GPR158: variants seen among roughly 807,000 people sequenced by gnomAD.
The protein encoded by GPR158 is metabotropic glycine receptor.
A neutral mutation model predicts 78.2 loss-of-function variants in GPR158; 30 were observed. The observed-to-expected ratio is 0.38, with a 90% CI of 0.29 to 0.52. GPR158 has a LOEUF of 0.52. Among genes scored for constraint, GPR158 ranks in the 20% least tolerant of loss-of-function variants. GPR158 has a pLI of 0.83. For synonymous variants in GPR158, 581 were observed against 591.1 expected (o/e 0.98, Z 0.25); for missense variants, 1,463 against 1,523.5 (o/e 0.96, Z 0.66).
rs1297325298 is a variant in GPR158, at chr10:25,507,254, T to C, written c.1404+40535T>C. On this transcript the variant is annotated intron_variant, in intron 5 of 10. Transcript: ENST00000376351. ...AAGAAGTGGAATGGCAGTCTAATCA[T>C]TTATTGCCTGCATGGAAAGAGAAGA... 2.6e-5 allele frequency among the ~76,000 whole-genome samples: 4 copies of C among 152,214 alleles called. No individual in the cohort carries two copies. The East Asian group carries it at 7.7e-4, about 29-fold the overall frequency.
chr10:25,198,837 A>C (rs1271702991), intron 1 of GPR158, among the ~76,000 whole-genome samples: 3 of 152,038 alleles, frequency 2.0e-5, no homozygotes, highest in Non-Finnish European at 2.9e-5. Flanking sequence ...TATTAATATA[A>C]CTAACAACTT....
At chr10:25,594,710 CCTATT>C (rs150960936) in intron 9 of GPR158, among the ~76,000 whole-genome samples, 10,291 of 152,080 alleles carry the variant, frequency 0.068, 446 homozygotes, top group South Asian at 0.19. Flanking sequence ...AAAGAACTCT[CCTATT>C]CTAAGAATCC....
Position 25,593,789 on chromosome 10 carries a change from TCATTAAATTGTTTTATC to T in GPR158, c.1893-486_1893-470del, listed in dbSNP as rs535211580. ...ACATTTTATAAACCATTAGTATGTTTCATTAAATTGTTTTATCCATTAAATTGTTTTATTTCAATGCT... is the reference window on the plus strand; with the variant it reads ...ACATTTTATAAACCATTAGTATGTTTCATTAAATTGTTTTATTTCAATGCT... On this transcript the variant is annotated intron_variant, in intron 8 of 10. Transcript: ENST00000376351. Among the ~76,000 whole-genome samples the T allele has an allele frequency of 5.6e-3, 857 of 152,258 alleles. 8 individuals carry two copies. Among genetic ancestry groups the T allele is most frequent in the African/African-American group, 0.02 (814 of 41,592 alleles).
intron 5 of GPR158, among the ~76,000 whole-genome samples, chr10:25,499,994 T>C (rs187719617): frequency 1.4e-3 from 218 of 152,356 alleles, no homozygotes; most frequent in African/African-American, 5.2e-3. Flanking sequence ...AACAGGTTGA[T>C]TGCCTTCACT....
chr10:25,385,381 G>C (rs561320158), intron 2 of GPR158, among the ~76,000 whole-genome samples: 2 of 152,094 alleles, frequency 1.3e-5, no homozygotes, highest in South Asian at 4.1e-4. Flanking sequence ...ATGGGTATTT[G>C]GGTTACTTAC....
intron 2 of GPR158, among the ~76,000 whole-genome samples, chr10:25,334,840 T>A (rs1855175416): frequency 6.6e-6 from 1 of 151,894 alleles, no homozygotes; most frequent in Non-Finnish European, 1.5e-5. Flanking sequence ...CTTTAGTCTA[T>A]TTGATATTTC....
At chr10:25,314,069 G>A (rs1854809313) in intron 2 of GPR158, among the ~76,000 whole-genome samples, 1 of 151,842 alleles carries the variant, frequency 6.6e-6, no homozygotes, top group South Asian at 2.1e-4. Context: ...TATTTGTCTT[G>A]GAAATTATTT....
At chr10:25,356,358 A>G (rs1263701631) in intron 2 of GPR158, among the ~76,000 whole-genome samples, 1 of 151,950 alleles carries the variant, frequency 6.6e-6, no homozygotes, top group Admixed American at 6.6e-5. Context: ...GCTTGTTTCT[A>G]CACTGCCATT....
rs1263517974 is a variant in GPR158 at position 25,349,693 on chromosome 10, A to G, written c.1009-46218A>G. ...TGTACAGCCTGTGGAACTACGAGTC[A>G]GTTAAACCTCCTTTCTTCATATATT... On this transcript the variant is annotated intron_variant, in intron 2 of 10. Coordinates refer to ENST00000376351, the MANE Select transcript of GPR158 (RefSeq NM_020752.3). Among the ~76,000 whole-genome samples the G allele has an allele frequency of 3.4e-5, 5 of 146,876 alleles. 1 individual carries two copies. Among genetic ancestry groups the G allele is most frequent in the African/African-American group, 1.4e-4 (5 of 36,676 alleles).
intron 3 of GPR158, among the ~76,000 whole-genome samples, chr10:25,404,710 C>G (rs1197574872): frequency 6.6e-6 from 1 of 152,010 alleles, no homozygotes; most frequent in Non-Finnish European, 1.5e-5. Context: ...AAACCATTGT[C>G]CTATTCTTAG....
intron 2 of GPR158, among the ~76,000 whole-genome samples, chr10:25,346,423 A>G (rs1855372323): frequency 6.6e-6 from 1 of 151,936 alleles, no homozygotes; most frequent in Non-Finnish European, 1.5e-5. Flanking sequence ...TTATAAACAA[A>G]CATTTTTCTC....
chr10:25,377,078 T>G (rs1306246132), intron 2 of GPR158, among the ~76,000 whole-genome samples: 1 of 151,814 alleles, frequency 6.6e-6, no homozygotes, highest in East Asian at 1.9e-4. Flanking sequence ...TTAATGTATC[T>G]TTGAGCATTT....
intron 5 of GPR158, among the ~76,000 whole-genome samples, chr10:25,470,931 T>C (rs897570083): frequency 6.6e-6 from 1 of 151,770 alleles, no homozygotes; most frequent in Non-Finnish European, 1.5e-5. Context: ...ATGTCAAATC[T>C]AGGCTGTCAC....
intron 4 of GPR158, among the ~76,000 whole-genome samples, chr10:25,447,310 A>G (rs527993685): frequency 2.0e-4 from 31 of 152,218 alleles, no homozygotes; most frequent in Non-Finnish European, 4.3e-4. Flanking sequence ...AGCTTTTAAA[A>G]TAAACTAAAT....
rs528005295 is a variant in GPR158 at position 25,327,216 on chromosome 10, C to T, written c.1009-68695C>T. ...GAAGAAAAACCACCCTAAATACCTG[C>T]GATATCTTGCTGCCTTATACACAGG... On this transcript the variant is annotated intron_variant, in intron 2 of 10. Transcript: ENST00000376351. 3.4e-3 allele frequency among the ~76,000 whole-genome samples: 519 copies of T among 151,892 alleles called. 2 individuals are homozygous for T. Among genetic ancestry groups the T allele is most frequent in the African/African-American group, 0.012 (478 of 41,440 alleles).
chr10:25,565,733 C>G (rs1462727770), intron 6 of GPR158, among the ~76,000 whole-genome samples: 6 of 152,174 alleles, frequency 3.9e-5, no homozygotes, highest in Admixed American at 3.9e-4. Context: ...TGCCGAGAGG[C>G]ATTTCAGCTC....
intron 2 of GPR158, among the ~76,000 whole-genome samples, chr10:25,235,128 A>G (rs1028813104): frequency 1.3e-5 from 2 of 152,204 alleles, no homozygotes; most frequent in East Asian, 1.9e-4. Context: ...GGGAGTGGCA[A>G]TGAGTAGAAA....
intron 1 of GPR158, among the ~76,000 whole-genome samples, chr10:25,214,296 G>C (rs1853176284): frequency 6.6e-6 from 1 of 152,038 alleles, no homozygotes; most frequent in Non-Finnish European, 1.5e-5. Flanking sequence ...GCCTGGCCGA[G>C]TCTCCCTTAT....
intron 4 of GPR158, among the ~76,000 whole-genome samples, chr10:25,450,310 G>C (rs1377112003): frequency 1.3e-5 from 2 of 151,716 alleles, no homozygotes; most frequent in African/African-American, 4.8e-5. Context: ...TGAGGGGCAA[G>C]CCGGGGCTGT....
Sources: allele counts gnomAD v4.1 joint callset (sites outside exome capture counted in the v4.1 genomes callset), GRCh38; gene constraint gnomAD v4.1.1; transcripts MANE v1.5; gene names NCBI Gene and HGNC (gene_info 2026-07-23, HGNC 2026-07-21).